The following TTC29 variants were observed in gnomAD, a reference collection of about 807,000 sequenced individuals.
TTC29 encodes tetratricopeptide repeat protein 29.
Under a neutral mutation model 58.1 loss-of-function variants are expected in TTC29, and 49 were observed. The observed-to-expected ratio is 0.84, with a 90% CI of 0.67 to 1.07. The LOEUF (loss-of-function observed/expected upper bound fraction) is 1.07, where lower values mean the gene tolerates loss of function less well. Among genes scored for constraint, TTC29 ranks in the 50% least tolerant of loss-of-function variants. The pLI, the probability that TTC29 is intolerant of heterozygous loss-of-function variation, is 0.00. For synonymous variants in TTC29, 209 were observed against 196.8 expected, an observed-to-expected ratio of 1.06 and a Z score of -0.52; for missense variants, 582 against 555.6, an observed-to-expected ratio of 1.05 and a Z score of -0.48.
chr4:146,899,021 G>A (rs1732960700), intron 6 of TTC29, among the ~76,000 whole-genome samples: 2 of 152,172 alleles, frequency 1.3e-5, no homozygotes, highest in South Asian at 2.1e-4. Context: ...GAAAGTGCTG[G>A]TGCTTCCTCA....
intron 6 of TTC29, among the ~76,000 whole-genome samples, chr4:146,884,489 G>C (rs1217452496): frequency 6.6e-6 from 1 of 152,114 alleles, no homozygotes; most frequent in African/African-American, 2.4e-5. Context: ...TTAGGAACTA[G>C]TTTGATTGGC....
At position 146,874,783 on chromosome 4, in the gene TTC29, C is replaced by T; in HGVS notation, c.732G>A (p.Met244Ile). The change falls in exon 7 of 13, where the codon ATG becomes ATA. Residue 244 changes from methionine to isoleucine, a missense_variant. Physicochemically the swap from Met to Ile is conservative, Grantham distance 10 (BLOSUM62 1). Transcript: ENST00000325106. Reference protein sequence around the residue: ...LRTYRLLSDKMLENKEYKQAI... With the variant: ...LRTYRLLSDKILENKEYKQAI... ...CCTGTTTGTATTCTTTATTTTCTAG[C>T]ATTTTGTCTGAGAGTAATCTGTAAG... The T allele has an allele frequency of 1.2e-6, 2 of 1,611,374 alleles. No homozygotes were observed. The highest frequency in any genetic ancestry group is 1.7e-6 in the Non-Finnish European group (2 of 1,178,982).
intron 11 of TTC29, among the ~76,000 whole-genome samples, chr4:146,787,522 C>T (rs143397838): frequency 6.6e-6 from 1 of 152,266 alleles, no homozygotes; most frequent in East Asian, 1.9e-4. Context: ...ATAAGTCTAG[C>T]GTGCTTAGGT....
chr4:146,897,623 A>G (rs1210730516), intron 6 of TTC29, among the ~76,000 whole-genome samples: 2 of 152,132 alleles, frequency 1.3e-5, no homozygotes, highest in African/African-American at 4.8e-5. Context: ...TCATATTGCT[A>G]TTGCGTCTGG....
At position 146,809,879 on chromosome 4, in the gene TTC29, G is replaced by A. The variant is rs980438659; in HGVS notation, c.1102-6194C>T. 4.2e-5 allele frequency among the ~76,000 whole-genome samples: 6 copies of A among 143,930 alleles called. 1 individual carries two copies. Among genetic ancestry groups the A allele is most frequent in the African/African-American group, 1.5e-4 (6 of 39,306 alleles). The allele number at this position is 143,930 out of a possible 152,430, so 94.4% of individuals were successfully genotyped here. A position where few individuals can be genotyped will look rare whatever the true frequency, so the allele number is the denominator to read the frequency against. ...GCAATTTCTCAAGAATCTAGAACCA[G>A]AAATACCATTTGACCCAGCAATCCC... On this transcript the variant is annotated intron_variant, in intron 10 of 12. Coordinates refer to ENST00000325106, the MANE Select transcript of TTC29 (RefSeq NM_031956.4).
At chr4:146,908,727 G>A (rs1193496734) in intron 5 of TTC29, among the ~76,000 whole-genome samples, 1 of 152,132 alleles carries the variant, frequency 6.6e-6, no homozygotes, top group African/African-American at 2.4e-5. Context: ...CTGTAGAAAG[G>A]TTTAAACCTA....
chr4:146,818,411 G>A (rs1010999436), intron 10 of TTC29, among the ~76,000 whole-genome samples: 6 of 152,132 alleles, frequency 3.9e-5, no homozygotes, highest in African/African-American at 9.7e-5. Flanking sequence ...TTAGAATGGT[G>A]ATCATTAAAA....
chr4:146,782,052 C>T (rs1164526528), intron 11 of TTC29, among the ~76,000 whole-genome samples: 1 of 151,692 alleles, frequency 6.6e-6, no homozygotes, highest in Non-Finnish European at 1.5e-5. Flanking sequence ...ATAAAACATG[C>T]TATTTAGCCA....
At chr4:146,765,144 G>A (rs1747210121) in intron 11 of TTC29, among the ~76,000 whole-genome samples, 1 of 152,026 alleles carries the variant, frequency 6.6e-6, no homozygotes, top group Non-Finnish European at 1.5e-5. Context: ...TTTTAAAATT[G>A]TTGGTCTTTT....
chr4:146,772,357 A>T (rs1453420352), intron 11 of TTC29, among the ~76,000 whole-genome samples: 1 of 151,792 alleles, frequency 6.6e-6, no homozygotes, highest in Non-Finnish European at 1.5e-5. Context: ...TTCCTAGGTT[A>T]TCTTGCAGAG....
At position 146,758,114 on chromosome 4, in the gene TTC29, G is replaced by A. The variant is rs1746594155; in HGVS notation, c.1330+45343C>T. The stretch of plus-strand genomic sequence containing the variant: ...TTCAGGAGACTTACCTAGAACATAT[G>A]GACTCACATAAACTTAAAGGGGTGG... On this transcript the variant is annotated intron_variant, in intron 11 of 12. Coordinates refer to ENST00000325106, the MANE Select transcript of TTC29 (RefSeq NM_031956.4). Among the ~76,000 whole-genome samples, 3 of 151,954 alleles carry A rather than the reference G, an allele frequency of 2.0e-5. No homozygotes were observed. The South Asian group carries it at 6.2e-4, about 32-fold the overall frequency.
At chr4:146,867,454 T>G (rs1414865458) in intron 8 of TTC29, 44 bp downstream of exon 8, 1 of 977,452 alleles carries the variant, frequency 1.0e-6, no homozygotes, top group East Asian at 2.9e-5. Flanking sequence ...ATAAATATAC[T>G]AAAATAAAAA....
intron 11 of TTC29, among the ~76,000 whole-genome samples, 152 bp downstream of exon 11, chr4:146,803,305 T>C (rs1750361493): frequency 6.6e-6 from 1 of 152,200 alleles, no homozygotes; most frequent in Non-Finnish European, 1.5e-5. Flanking sequence ...AGCACAAAAG[T>C]ATATCCAACC....
intron 8 of TTC29, among the ~76,000 whole-genome samples, chr4:146,848,737 C>T (rs1004927732): frequency 1.3e-5 from 2 of 152,138 alleles, no homozygotes; most frequent in Non-Finnish European, 2.9e-5. Context: ...TTGCCAGTTG[C>T]CCTGCTTCCT....
intron 11 of TTC29, among the ~76,000 whole-genome samples, chr4:146,747,116 CT>C (rs1315981449): frequency 6.6e-6 from 1 of 152,152 alleles, no homozygotes; most frequent in Non-Finnish European, 1.5e-5. Context: ...ACCGTGGACA[CT>C]TGCAGTTTTT....
chr4:146,847,410 A>G (rs1420029010), intron 8 of TTC29, among the ~76,000 whole-genome samples: 6 of 152,198 alleles, frequency 3.9e-5, no homozygotes, highest in Non-Finnish European at 8.8e-5. Context: ...AGATGTTCAC[A>G]TTCAATAATC....
chr4:146,906,818 G>A (rs1013244832), intron 5 of TTC29, among the ~76,000 whole-genome samples: 1 of 152,150 alleles, frequency 6.6e-6, no homozygotes, highest in Admixed American at 6.6e-5. Flanking sequence ...AGAGACTTTG[G>A]CTATTATAAC....
At chr4:146,867,978 C>G (rs1040323021) in intron 7 of TTC29, among the ~76,000 whole-genome samples, 1 of 152,110 alleles carries the variant, frequency 6.6e-6, no homozygotes, top group Admixed American at 6.6e-5. Flanking sequence ...AGCATAGTTG[C>G]TGCTACATAC....
At chr4:146,747,594 A>G (rs759611383) in intron 11 of TTC29, among the ~76,000 whole-genome samples, 8 of 152,216 alleles carry the variant, frequency 5.3e-5, no homozygotes, top group Non-Finnish European at 1.0e-4. Context: ...ACCCACTGGC[A>G]GCTTCAGGTC....
Sources: allele counts gnomAD v4.1 joint callset (sites outside exome capture counted in the v4.1 genomes callset), GRCh38; gene constraint gnomAD v4.1.1; transcripts MANE v1.5; gene names NCBI Gene and HGNC (gene_info 2026-07-23, HGNC 2026-07-21).